The following SLC7A5 variants were observed in gnomAD, a reference collection of about 807,000 sequenced individuals.
SLC7A5 encodes the protein large neutral amino acids transporter small subunit 1.
SLC7A5 carries 23 observed loss-of-function variants against 50.2 expected under a neutral mutation model. The observed-to-expected ratio is 0.46, with a 90% CI of 0.33 to 0.65. The LOEUF is 0.65. SLC7A5 is among the 30% of genes least tolerant of loss of function. SLC7A5 has a pLI of 0.02. For synonymous variants in SLC7A5, 393 were observed against 330.6 expected (o/e 1.19, Z -2.05); for missense variants, 578 against 684.4 (o/e 0.84, Z 1.73).
chr16:87,849,120 G>A (rs1189053118), intron 2 of SLC7A5, among the ~76,000 whole-genome samples: 1 of 152,250 alleles, frequency 6.6e-6, no homozygotes, highest in Non-Finnish European at 1.5e-5. Flanking sequence ...AGGGCCACTT[G>A]CCAGTCGTTG....
rs137891753 is a variant in SLC7A5 at position 87,853,105 on chromosome 16, CTT to C, written c.539-1258_539-1257del. Among the ~76,000 whole-genome samples, 4,006 of 152,310 alleles carry C rather than the reference CTT, an allele frequency of 0.026. 168 individuals are homozygous for C. Among genetic ancestry groups the C allele is most frequent in the African/African-American group, 0.088 (3,655 of 41,552 alleles). On this transcript the variant is annotated intron_variant, in intron 1 of 9. Transcript: ENST00000261622. The surrounding 1 kb of genome is among the most constrained non-coding windows in gnomAD (Gnocchi z 4.4). ...AGCATCAGAAAGGCCGTGGGCTCCT[CTT>C]CTCTCTTTCCCCTTGGGAGTAACGC...
At chr16:87,834,334 G>A in intron 9 of SLC7A5, 80 bp downstream of exon 9, 1 of 1,409,868 alleles carries the variant, frequency 7.1e-7, no homozygotes, top group Non-Finnish European at 9.8e-7. Flanking sequence ...CCATGTGGGT[G>A]GAGACGGCCG....
In SLC7A5 at chr16:87,840,420, T is replaced by G; in HGVS notation, c.815+9A>C. The G allele has an allele frequency of 6.2e-7, 1 of 1,609,032 alleles. No homozygotes were observed. The highest frequency in any genetic ancestry group is 2.2e-5 in the East Asian group (1 of 44,856). ...GAAAAAAGACGGCTCCATCCATTCTTGCACGTACCTGTAGGGGTTGATCAT... is the reference window on the plus strand; with the variant it reads ...GAAAAAAGACGGCTCCATCCATTCTGGCACGTACCTGTAGGGGTTGATCAT... On this transcript the variant is annotated intron_variant, in intron 4 of 9. Coordinates refer to ENST00000261622, the MANE Select transcript of SLC7A5 (RefSeq NM_003486.7).
In SLC7A5 at chr16:87,861,506, T is replaced by C. The variant is rs1011486493; in HGVS notation, c.538+7379A>G. Among the ~76,000 whole-genome samples the C allele has an allele frequency of 2.6e-5, 4 of 152,108 alleles. No homozygotes were observed. Among genetic ancestry groups the C allele is most frequent in the African/African-American group, 7.2e-5 (3 of 41,416 alleles). On this transcript the variant is annotated intron_variant, in intron 1 of 9. Coordinates refer to ENST00000261622, the MANE Select transcript of SLC7A5 (RefSeq NM_003486.7). The surrounding 1 kb of genome is among the most constrained non-coding windows in gnomAD (Gnocchi z 4.2). ...GGCTCCTGGCTCGCTCCTGCCTCAGTTTCCCCAGCTGTAAATTGGGGATTA... is the reference window on the plus strand; with the variant it reads ...GGCTCCTGGCTCGCTCCTGCCTCAGCTTCCCCAGCTGTAAATTGGGGATTA...
At chr16:87,836,895 G>A (rs770280462) in intron 7 of SLC7A5, 6 of 523,842 alleles carry the variant, frequency 1.1e-5, no homozygotes, top group African/African-American at 1.9e-5. Flanking sequence ...GAAGGAGGGA[G>A]GAGAGGAGGA....
At position 87,836,451 on chromosome 16, in the gene SLC7A5, C is replaced by T. The variant is rs77613108; in HGVS notation, c.1290+47G>A. 3.2e-4 allele frequency: 518 copies of T among 1,600,892 alleles called. 1 individual carries two copies. In the African/African-American group the frequency reaches 6.4e-3, roughly 20 times the overall value. Reference sequence around the variant, plus strand: ...TCAGGGTCCTTAGGACCCACGGACCCTGCCTCTGTGAAGGGTGCCTGGGTG... The same window carrying T: ...TCAGGGTCCTTAGGACCCACGGACCTTGCCTCTGTGAAGGGTGCCTGGGTG... On this transcript the variant is annotated intron_variant, in intron 8 of 9. Coordinates refer to ENST00000261622, the MANE Select transcript of SLC7A5 (RefSeq NM_003486.7).
rs1200713617 is a variant in SLC7A5 at position 87,852,559 on chromosome 16, T to A, written c.539-710A>T. Among the ~76,000 whole-genome samples the A allele has an allele frequency of 6.6e-6, 1 of 151,694 alleles. No homozygotes were observed. The highest frequency in any genetic ancestry group is 2.4e-5 in the African/African-American group (1 of 41,180). On this transcript the variant is annotated intron_variant, in intron 1 of 9. Coordinates refer to ENST00000261622, the MANE Select transcript of SLC7A5 (RefSeq NM_003486.7). This position sits in a 1 kb window ranked among gnomAD's most constrained non-coding sequence, Gnocchi z 4.5. ...GCCTGCCCCAGGAGGCGCTGAGATG[T>A]GGGGTCAGGCACGCTCAGACAGGTC...
chr16:87,837,784 C>G, intron 7 of SLC7A5, 61 bp downstream of exon 7: 1 of 1,408,742 alleles, frequency 7.1e-7, no homozygotes, highest in African/African-American at 1.4e-5. Flanking sequence ...GGCAGCCTCC[C>G]TCTGGGAGCC....
chr16:87,868,876 C>A lies in SLC7A5; in HGVS notation c.538+9G>T. 6.3e-7 allele frequency: 1 copy of A among 1,598,902 alleles called. No individual in the cohort carries two copies. Among genetic ancestry groups the A allele is most frequent in the Non-Finnish European group, 8.5e-7 (1 of 1,173,534 alleles). The stretch of plus-strand genomic sequence containing the variant: ...ACCTCCCAACCCCCGGCCCGCGCCC[C>A]GTACTCACGCACGCAGAGGCAGGCC... On this transcript the variant is annotated intron_variant, in intron 1 of 9. Transcript: ENST00000261622.
At chr16:87,845,791 A>C in intron 2 of SLC7A5, among the ~76,000 whole-genome samples, 1 of 152,170 alleles carries the variant, frequency 6.6e-6, no homozygotes, top group Non-Finnish European at 1.5e-5. Context: ...CAGGCGGGGA[A>C]AGACCCTGAG....
rs2055086379 is a variant in SLC7A5, at chr16:87,841,812, G to C, written c.665-657C>G. Among the ~76,000 whole-genome samples the C allele has an allele frequency of 1.3e-5, 2 of 152,222 alleles. No individual in the cohort carries two copies. Among genetic ancestry groups the C allele is most frequent in the Admixed American group, 6.5e-5 (1 of 15,286 alleles). On this transcript the variant is annotated intron_variant, in intron 2 of 9. Transcript: ENST00000261622. The surrounding 1 kb of genome is among the most constrained non-coding windows in gnomAD (Gnocchi z 4.8). ...CTGAGGACACGCGTCACTGGACTTC[G>C]TGACTGCTCCACCCTATTCCAGAAG...
chr16:87,847,252 G>A (rs1239990274), intron 2 of SLC7A5, among the ~76,000 whole-genome samples: 3 of 152,216 alleles, frequency 2.0e-5, no homozygotes, highest in Non-Finnish European at 4.4e-5. Context: ...TGGGTGAAAC[G>A]TTTTTCTCAC....
chr16:87,854,885 CTCCTCCTCCCT>C, intron 1 of SLC7A5, among the ~76,000 whole-genome samples: 1 of 152,324 alleles, frequency 6.6e-6, no homozygotes, highest in African/African-American at 2.4e-5. Context: ...AACCCCTGCC[CTCCTCCTCCCT>C]TCACCTGTGT....
In SLC7A5 at chr16:87,862,443, A is replaced by G. The variant is rs555305306; in HGVS notation, c.538+6442T>C. Among the ~76,000 whole-genome samples, 389 of 152,252 alleles carry G rather than the reference A, an allele frequency of 2.6e-3. 4 individuals carry two copies. The highest frequency in any genetic ancestry group is 0.021 in the Admixed American group (320 of 15,306). ...CTCAGAGACAGTTGTGGCGATTCCT[A>G]CTTCCACCCATAGCCCCCCGACCCT... On this transcript the variant is annotated intron_variant, in intron 1 of 9. Transcript: ENST00000261622. The surrounding 1 kb of genome is among the most constrained non-coding windows in gnomAD (Gnocchi z 5.3).
At chr16:87,864,013 C>A (rs1244026351) in intron 1 of SLC7A5, among the ~76,000 whole-genome samples, 5 of 12,596 alleles carry the variant, frequency 4.0e-4, no homozygotes, top group African/African-American at 7.6e-4. Context: ...ATATATCAGC[C>A]GAGTAGGCTG....
At position 87,860,951 on chromosome 16, in the gene SLC7A5, G is replaced by A. The variant is rs548615569; in HGVS notation, c.538+7934C>T. On this transcript the variant is annotated intron_variant, in intron 1 of 9. Transcript: ENST00000261622. This position sits in a 1 kb window ranked among gnomAD's most constrained non-coding sequence, Gnocchi z 4.8. ...GGCACGCACGTGCTGTGGCCACCCC[G>A]GAGGGTCCGCCTTCCAGAGGGAGAA... is the stretch of plus-strand genomic sequence containing the variant. Among the ~76,000 whole-genome samples the A allele has an allele frequency of 2.6e-5, 4 of 152,340 alleles. No homozygotes were observed. The highest frequency in any genetic ancestry group is 2.1e-4 in the South Asian group (1 of 4,824).
In SLC7A5 at chr16:87,852,203, C is replaced by T. The variant is rs1446947432; in HGVS notation, c.539-354G>A. Among the ~76,000 whole-genome samples, 1 of 152,164 alleles carries T rather than the reference C, an allele frequency of 6.6e-6. No homozygotes were observed. The highest frequency in any genetic ancestry group is 2.4e-5 in the African/African-American group (1 of 41,430). On this transcript the variant is annotated intron_variant, in intron 1 of 9. Coordinates refer to ENST00000261622, the MANE Select transcript of SLC7A5 (RefSeq NM_003486.7). The surrounding 1 kb of genome is among the most constrained non-coding windows in gnomAD (Gnocchi z 4.5). The stretch of plus-strand genomic sequence containing the variant: ...GACCCAGGTGAGCAAGGTGACCCTG[C>T]CACTTGGAAGGCGCCCATTACACCT...
At position 87,833,067 on chromosome 16, in the gene SLC7A5, T is replaced by G. The variant is rs781363398; in HGVS notation, c.1469-42A>C. 5.7e-6 allele frequency: 9 copies of G among 1,574,072 alleles called. No homozygotes were observed. The highest frequency in any genetic ancestry group is 8.7e-7 in the Non-Finnish European group (1 of 1,144,210). On this transcript the variant is annotated intron_variant, in intron 9 of 9. Transcript: ENST00000261622. The surrounding 1 kb of genome is among the most constrained non-coding windows in gnomAD (Gnocchi z 6.0). ...CAGCTGTGTTAGCCTGGGGGCTGGG[T>G]AGGCACCCGTGGGACACGGGGGCGT...
At chr16:87,857,417 G>A (rs2055335378) in intron 1 of SLC7A5, among the ~76,000 whole-genome samples, 2 of 152,084 alleles carry the variant, frequency 1.3e-5, no homozygotes, top group Admixed American at 1.3e-4. Context: ...TCAGTAGCTG[G>A]GATTACTGAC....
Sources: gnomAD v4.1 joint callset for allele counts (sites outside exome capture counted in the v4.1 genomes callset) on GRCh38, gnomAD v4.1.1 for gene constraint, Gnocchi (gnomAD v3.1) non-coding constraint, MANE v1.5 for transcripts, NCBI Gene and HGNC (gene_info 2026-07-23, HGNC 2026-07-21) for gene names.